The following SCFD2 variants were observed in gnomAD, a reference collection of about 807,000 sequenced individuals.
SCFD2 encodes the protein sec1 family domain containing 2.
A neutral mutation model predicts 58.9 loss-of-function variants in SCFD2; 54 were observed. The ratio of observed to expected loss-of-function variants is 0.92; its 90% CI spans 0.74 to 1.15. The LOEUF (loss-of-function observed/expected upper bound fraction) is 1.15. Ranked by LOEUF, SCFD2 falls within the 50% of genes most tolerant of loss-of-function variation. The pLI, the probability that SCFD2 is intolerant of heterozygous loss-of-function variation, is 0.00. For missense variants in SCFD2, 805 were observed against 836.6 expected, an observed-to-expected ratio of 0.96 and a Z score of 0.47; for synonymous variants, 321 against 335.9, an observed-to-expected ratio of 0.96 and a Z score of 0.49.
chr4:53,108,477 T>A (rs1482813604), intron 5 of SCFD2, among the ~76,000 whole-genome samples: 1 of 151,734 alleles, frequency 6.6e-6, no homozygotes, highest in Non-Finnish European at 1.5e-5. Context: ...CTAGTCAGAC[T>A]AATAAAGAAG....
intron 4 of SCFD2, among the ~76,000 whole-genome samples, chr4:53,239,913 G>T (rs1383659177): frequency 6.6e-6 from 1 of 152,174 alleles, no homozygotes; most frequent in Non-Finnish European, 1.5e-5. Flanking sequence ...AGCCTAAAAG[G>T]TCATTCCCAA....
intron 5 of SCFD2, among the ~76,000 whole-genome samples, chr4:53,068,609 G>A (rs1187151889): frequency 6.6e-6 from 1 of 151,876 alleles, no homozygotes; most frequent in Non-Finnish European, 1.5e-5. Flanking sequence ...ATTTTGATTA[G>A]ATGATAATTA....
At chr4:53,242,498 A>C (rs936425812) in intron 4 of SCFD2, among the ~76,000 whole-genome samples, 2 of 152,218 alleles carry the variant, frequency 1.3e-5, no homozygotes, top group African/African-American at 2.4e-5. Context: ...AGCAACTTCA[A>C]AGACTGAAGG....
chr4:53,131,411 G>A (rs1372749341), intron 5 of SCFD2, among the ~76,000 whole-genome samples: 1 of 152,138 alleles, frequency 6.6e-6, no homozygotes, highest in Non-Finnish European at 1.5e-5. Flanking sequence ...GAAATGGGCT[G>A]CAGGGAGGTG....
intron 2 of SCFD2, among the ~76,000 whole-genome samples, chr4:53,335,711 T>G (rs189159080): frequency 1.8e-4 from 27 of 152,240 alleles, no homozygotes; most frequent in Admixed American, 5.9e-4. Flanking sequence ...TTAGAATTAT[T>G]AATAAATTTT....
At chr4:53,212,971 C>T (rs1227890060) in intron 4 of SCFD2, among the ~76,000 whole-genome samples, 1 of 151,580 alleles carries the variant, frequency 6.6e-6, no homozygotes, top group Non-Finnish European at 1.5e-5. Flanking sequence ...AGACAGGTGG[C>T]CAAGGAAAAT....
chr4:53,296,121 G>A (rs1386097497), intron 3 of SCFD2, among the ~76,000 whole-genome samples: 1 of 152,190 alleles, frequency 6.6e-6, no homozygotes, highest in East Asian at 1.9e-4. Context: ...GTCTCTGTCA[G>A]GTTTTGGTAT....
At chr4:53,175,460 A>G (rs1406088132) in intron 4 of SCFD2, among the ~76,000 whole-genome samples, 2 of 152,222 alleles carry the variant, frequency 1.3e-5, no homozygotes, top group African/African-American at 4.8e-5. Context: ...ATGAGTTCAT[A>G]TAACTACTTC....
chr4:52,940,938 G>C (rs571988533), intron 5 of SCFD2, among the ~76,000 whole-genome samples: 9 of 152,018 alleles, frequency 5.9e-5, no homozygotes, highest in Non-Finnish European at 1.0e-4. Context: ...TCCTGTGCCT[G>C]GTAAACTCTC....
chr4:53,081,707 AGT>A (rs1011405821), intron 5 of SCFD2, among the ~76,000 whole-genome samples: 2 of 152,156 alleles, frequency 1.3e-5, no homozygotes, highest in Admixed American at 6.6e-5. Context: ...ATTACTTTAA[AGT>A]GTGCAACTCA....
At chr4:52,909,568 C>A (rs1273855466) in intron 6 of SCFD2, among the ~76,000 whole-genome samples, 3 of 152,084 alleles carry the variant, frequency 2.0e-5, no homozygotes, top group Non-Finnish European at 2.9e-5. Context: ...GGTGGCGGAC[C>A]AAGCAAGGGA....
intron 4 of SCFD2, among the ~76,000 whole-genome samples, chr4:53,237,047 G>A (rs995402780): frequency 2.0e-5 from 3 of 148,946 alleles, no homozygotes; most frequent in South Asian, 2.2e-4. Flanking sequence ...GACTCTTAAC[G>A]AGCATGCTGC....
At chr4:53,081,379 T>C (rs1031898596) in intron 5 of SCFD2, among the ~76,000 whole-genome samples, 1 of 152,092 alleles carries the variant, frequency 6.6e-6, no homozygotes, top group African/African-American at 2.4e-5. Context: ...TAATACCCAA[T>C]AGGGAGTTTT....
rs1411911108 is a variant in SCFD2 at position 53,365,158 on chromosome 4, T to C, written c.784A>G (p.Thr262Ala). The stretch of plus-strand genomic sequence containing the variant: ...ACCACTGATGCCCTGCCTGCAGCAG[T>C]CTTCTTCCTGTTCTTTGCAGGGGCA... ...NYAPAKNRKK[T>A]AAGRASVVFV... Residue 262 changes from threonine to alanine, a missense_variant, in exon 1 of 9, where the codon ACT becomes GCT. By Grantham distance (58) the Thr-to-Ala change is moderately conservative. Around this residue, in one of 3 missense-constraint regions of SCFD2, gnomAD observed 633 missense variants for 646.8 expected, o/e 0.98. Transcript: ENST00000401642. This position sits in a 1 kb window ranked among gnomAD's most constrained non-coding sequence, Gnocchi z 4.3. 6.2e-7 allele frequency: 1 copy of C among 1,614,182 alleles called. No individual in the cohort carries two copies. Among genetic ancestry groups the C allele is most frequent in the South Asian group, 1.1e-5 (1 of 91,082 alleles).
chr4:53,144,020 G>A (rs11133244), intron 5 of SCFD2, among the ~76,000 whole-genome samples: 67,654 of 151,882 alleles, frequency 0.45, 15,378 homozygotes, highest in South Asian at 0.53. Flanking sequence ...AGTTATTATT[G>A]GAAGTGAAGG....
rs927198240 is a variant in SCFD2, at chr4:53,072,575, AG to A, written c.1561+72757del. ...AGAACCCAGAGAATAATAAAAGATT[AG>A]GGGGGGGAAAGCCAGGTTTTCACAC... On this transcript the variant is annotated intron_variant, in intron 5 of 8. Transcript: ENST00000401642. Among the ~76,000 whole-genome samples the A allele has an allele frequency of 7.2e-5, 10 of 139,292 alleles. No homozygotes were observed. In the East Asian group the frequency reaches 1.2e-3, roughly 16 times the overall value. The allele number at this position is 139,292 out of a possible 152,430, so 91.4% of individuals were successfully genotyped here. A position where few individuals can be genotyped will look rare whatever the true frequency, so the allele number is the denominator to read the frequency against.
chr4:52,966,209 A>G (rs1481930645), intron 5 of SCFD2, among the ~76,000 whole-genome samples: 1 of 152,178 alleles, frequency 6.6e-6, no homozygotes, highest in Non-Finnish European at 1.5e-5. Context: ...GTTGTGCTTT[A>G]AGGAAACATA....
At chr4:53,069,214 A>G (rs1376609400) in intron 5 of SCFD2, among the ~76,000 whole-genome samples, 4 of 152,078 alleles carry the variant, frequency 2.6e-5, no homozygotes, top group Non-Finnish European at 5.9e-5. Context: ...TTCACAGTGC[A>G]CAAAAGCTTT....
chr4:53,094,165 T>C (rs1287526091), intron 5 of SCFD2, among the ~76,000 whole-genome samples: 1 of 152,108 alleles, frequency 6.6e-6, no homozygotes, highest in Non-Finnish European at 1.5e-5. Flanking sequence ...GTAGCCTAAC[T>C]CTTAACCAAA....
Sources: gnomAD v4.1 joint callset for allele counts (sites outside exome capture counted in the v4.1 genomes callset) on GRCh38, gnomAD v4.1.1 for gene constraint, gnomAD v4.1.1 regional missense constraint, Gnocchi (gnomAD v3.1) non-coding constraint, MANE v1.5 for transcripts, NCBI Gene and HGNC (gene_info 2026-07-23, HGNC 2026-07-21) for gene names.